COG7: variants seen among roughly 807,000 people sequenced by gnomAD.
COG7 encodes conserved oligomeric Golgi complex subunit 7.
COG7 carries 49 observed loss-of-function variants against 91.5 expected under a neutral mutation model. That is an observed-to-expected ratio of 0.54 (90% CI 0.43 to 0.68). The LOEUF (loss-of-function observed/expected upper bound fraction) is 0.68, where lower values mean the gene tolerates loss of function less well. Among genes scored for constraint, COG7 ranks in the 30% least tolerant of loss-of-function variants. The pLI is 0.00. For synonymous variants in COG7, 365 were observed against 388.7 expected (o/e 0.94, Z 0.72); for missense variants, 895 against 961.3 (o/e 0.93, Z 0.91).
At chr16:23,392,760 G>A (rs1461685770) in intron 15 of COG7, among the ~76,000 whole-genome samples, 1 of 151,950 alleles carries the variant, frequency 6.6e-6, no homozygotes. Context: ...TGAAACCCCC[G>A]TCTCTGCTAA....
chr16:23,421,743 C>G (rs562730273), intron 7 of COG7, among the ~76,000 whole-genome samples: 21 of 149,252 alleles, frequency 1.4e-4, no homozygotes, highest in Non-Finnish European at 1.9e-4. Context: ...CAAAATGTGT[C>G]AGGAGGCTGA....
intron 1 of COG7, 58 bp downstream of exon 1, chr16:23,452,768 A>T: frequency 6.4e-7 from 1 of 1,559,892 alleles, no homozygotes; most frequent in Non-Finnish European, 8.7e-7. Context: ...AAGTTCGGTG[A>T]CCTCTGCCCA....
chr16:23,405,173 G>C (rs1378396566), intron 12 of COG7, among the ~76,000 whole-genome samples: 1 of 152,126 alleles, frequency 6.6e-6, no homozygotes, highest in Non-Finnish European at 1.5e-5. Flanking sequence ...GGCAAACTAA[G>C]AGTTTAAAGA....
intron 16 of COG7, among the ~76,000 whole-genome samples, chr16:23,390,879 A>G (rs758235421): frequency 6.6e-6 from 1 of 152,248 alleles, no homozygotes; most frequent in Non-Finnish European, 1.5e-5. Context: ...GTTTATCCAT[A>G]AAACCGTGAG....
chr16:23,398,010 T>G (rs1963312126), intron 14 of COG7, 36 bp downstream of exon 14: 1 of 1,571,848 alleles, frequency 6.4e-7, no homozygotes. Context: ...TCTGAAAGAC[T>G]TGGACCACCC....
chr16:23,432,571 T>A (rs1246295060), intron 6 of COG7, among the ~76,000 whole-genome samples: 1 of 152,140 alleles, frequency 6.6e-6, no homozygotes, highest in Non-Finnish European at 1.5e-5. Context: ...AGTAAGTCAT[T>A]ACTGCAAAGT....
At chr16:23,401,454 C>G (rs1458241583) in intron 13 of COG7, among the ~76,000 whole-genome samples, 1 of 152,116 alleles carries the variant, frequency 6.6e-6, no homozygotes, top group African/African-American at 2.4e-5. Flanking sequence ...GGGGGAAGCA[C>G]CACCCCTGTT....
rs16940094 is a variant in COG7 at position 23,398,119 on chromosome 16, G to A, written c.1814C>T (p.Thr605Met). ...LLISKMDSWN[T>M]AGIGETLTDE... is the part of the protein sequence containing the mutation. Reference sequence around the variant, plus strand: ...TGTGAGGGTTTCTCCGATGCCAGCCGTATTCCAGCTCTAAGGGTGGAACGA... The same window carrying A: ...TGTGAGGGTTTCTCCGATGCCAGCCATATTCCAGCTCTAAGGGTGGAACGA... The change falls in exon 14 of 17, where the codon ACG becomes ATG. Residue 605 changes from threonine (T) to methionine (M), a missense_variant. By Grantham distance (81) the Thr-to-Met change is moderately conservative. Transcript: ENST00000307149. 0.038 allele frequency: 61,696 copies of A among 1,613,538 alleles called. 2,091 individuals are homozygous for A. The highest frequency in any genetic ancestry group is 0.16 in the African/African-American group (11,951 of 74,954).
chr16:23,420,885 A>G (rs1265436855), intron 7 of COG7, among the ~76,000 whole-genome samples: 1 of 150,322 alleles, frequency 6.7e-6, no homozygotes, highest in Admixed American at 6.6e-5. Context: ...CTAGTACTAC[A>G]GGTGTATGCT....
At chr16:23,434,450 C>T (rs1391588645) in intron 5 of COG7, among the ~76,000 whole-genome samples, 186 bp downstream of exon 5, 2 of 152,114 alleles carry the variant, frequency 1.3e-5, no homozygotes, top group Non-Finnish European at 2.9e-5. Context: ...TAACTTTTTC[C>T]AACTGGCAAT....
intron 10 of COG7, among the ~76,000 whole-genome samples, chr16:23,411,728 T>C (rs772523022): frequency 6.6e-6 from 1 of 152,190 alleles, no homozygotes; most frequent in Non-Finnish European, 1.5e-5. Flanking sequence ...GGGTCTGCTC[T>C]GGCATGGGCC....
At chr16:23,389,223 C>A in intron 16 of COG7, 137 bp from the exon 17 acceptor site, 1 of 940,782 alleles carries the variant, frequency 1.1e-6, no homozygotes, top group Non-Finnish European at 1.6e-6. Context: ...CCAACCCTGC[C>A]CTCAATAGGC....
intron 14 of COG7, chr16:23,393,631 C>A: frequency 2.3e-6 from 1 of 436,932 alleles, no homozygotes; most frequent in Non-Finnish European, 4.2e-6. Flanking sequence ...TAATGGATAT[C>A]AAAATGCTTT....
In COG7 at chr16:23,413,492, G is replaced by C. The variant is rs368607137; in HGVS notation, c.1365C>G (p.Asn455Lys). 4 of 1,612,472 alleles carry C rather than the reference G, an allele frequency of 2.5e-6. No individual in the cohort carries two copies. The Admixed American group carries it at 5.0e-5, about 20-fold the overall frequency. ...KKCKLDHIPP[N>K]SLFQEDWTAF... ...CCGTCCAATCTTCCTGGAAGAGGGA[G>C]TTGGGAGGAATGTGGTCCAGTTTGC... is the stretch of plus-strand genomic sequence containing the variant. The change falls in exon 10 of 17, where the codon AAC (asparagine) becomes AAG (lysine). Residue 455 changes from asparagine (N) to lysine (K), a missense_variant. By Grantham distance (94) the Asn-to-Lys change is moderately conservative (BLOSUM62 0). Transcript: ENST00000307149.
chr16:23,392,080 G>T (rs1963206181), intron 16 of COG7: 1 of 1,301,400 alleles, frequency 7.7e-7, no homozygotes, highest in Non-Finnish European at 9.8e-7. Flanking sequence ...TGGCACAAAT[G>T]GAGCGGGCCA....
chr16:23,389,588 T>A (rs145020553), intron 16 of COG7, among the ~76,000 whole-genome samples: 7 of 152,244 alleles, frequency 4.6e-5, no homozygotes, highest in Admixed American at 1.3e-4. Context: ...CACTGACCAC[T>A]TGGAAAACCC....
At position 23,433,574 on chromosome 16, in the gene COG7, A is replaced by G. The variant is rs1211048377; in HGVS notation, c.781T>C (p.Trp261Arg). The G allele has an allele frequency of 6.2e-7, 1 of 1,614,082 alleles. No homozygotes were observed. The highest frequency in any genetic ancestry group is 1.1e-5 in the South Asian group (1 of 91,084). The change falls in exon 6 of 17, where the codon TGG becomes CGG. Residue 261 changes from tryptophan (W) to arginine (R), a missense_variant. Transcript: ENST00000307149. ...GTAGCCCACTGGATTTGTGTGTGCC[A>G]AGCACCAAGCAAGGCATCATAGAGT... ...TGLYDALLGA[W>R]HTQIQWATQV...
In COG7 at chr16:23,418,744, T is replaced by G. The variant is rs1186888889; in HGVS notation, c.1093A>C (p.Met365Leu). 1 of 1,613,942 alleles carries G rather than the reference T, an allele frequency of 6.2e-7. No homozygotes were observed. The highest frequency in any genetic ancestry group is 1.7e-5 in the Admixed American group (1 of 60,014). ...YKPYQLKYGD[M>L]EESNLLIQMS... ...TGGATGAGGAGGTTGCTCTCTTCCA[T>G]GTCGCCATACTTCAGCTGGTAGGGT... is the stretch of plus-strand genomic sequence containing the variant. The change falls in exon 8 of 17, where the codon ATG (methionine) becomes CTG (leucine). Residue 365 changes from methionine to leucine, a missense_variant. Met to Leu is a conservative substitution (Grantham distance 15). Coordinates refer to ENST00000307149, the MANE Select transcript of COG7 (RefSeq NM_153603.4).
At chr16:23,449,752 A>C (rs924793047) in intron 1 of COG7, among the ~76,000 whole-genome samples, 8 of 138,466 alleles carry the variant, frequency 5.8e-5, no homozygotes, top group Non-Finnish European at 1.3e-4. Flanking sequence ...ACTCCATCTC[A>C]AAAAAAAAAA....
Sources: gnomAD v4.1 joint callset for allele counts (sites outside exome capture counted in the v4.1 genomes callset) on GRCh38, gnomAD v4.1.1 for gene constraint, MANE v1.5 for transcripts, NCBI Gene and HGNC (gene_info 2026-07-23, HGNC 2026-07-21) for gene names.